DMD: variants seen among roughly 807,000 people sequenced by gnomAD.
DMD encodes the protein dystrophin.
DMD carries 63 observed loss-of-function variants against 330.1 expected under a neutral mutation model. The ratio of observed to expected loss-of-function variants is 0.19; its 90% CI spans 0.16 to 0.24. The LOEUF is 0.24. DMD is among the 10% of genes least tolerant of loss of function. The pLI is 1.00. For missense variants in DMD, 3,344 were observed against 2,684.1 expected, an observed-to-expected ratio of 1.25 and a Z score of -5.43; for synonymous variants, 1,223 against 959.8, an observed-to-expected ratio of 1.27 and a Z score of -5.07.
At chrX:31,444,738 G>T in intron 59 of DMD, 111 bp from the exon 60 acceptor site, 1 of 843,133 alleles carries the variant, frequency 1.2e-6, no homozygotes, top group Non-Finnish European at 1.7e-6. Context: ...TTTGCTCTAT[G>T]CTACGGTTTG....
chrX:31,814,370 C>A, intron 50 of DMD, among the ~76,000 whole-genome samples: 1 of 105,251 alleles, frequency 9.5e-6, no homozygotes, highest in Non-Finnish European at 1.9e-5. Flanking sequence ...GTAGTCCCAG[C>A]TACGGGGGAG....
At chrX:33,324,007 T>C (rs920058399) in intron 1 of DMD, among the ~76,000 whole-genome samples, 4 of 111,501 alleles carry the variant, frequency 3.6e-5, no homozygotes, top group African/African-American at 9.8e-5. Flanking sequence ...CCCAAACCAA[T>C]GCATATTTTG....
chrX:31,710,808 A>T (rs2084571309), intron 52 of DMD, among the ~76,000 whole-genome samples: 1 of 111,775 alleles, frequency 8.9e-6, no homozygotes, highest in Non-Finnish European at 1.9e-5. Flanking sequence ...AGGATTGGAC[A>T]TTAAATCTAC....
intron 47 of DMD, 21 bp from the exon 48 acceptor site, chrX:31,875,394 A>T: frequency 8.6e-7 from 1 of 1,158,235 alleles, no homozygotes; most frequent in Non-Finnish European, 1.2e-6. Flanking sequence ...AATACATTTT[A>T]AAAAGGTAAA....
intron 44 of DMD, among the ~76,000 whole-genome samples, chrX:32,199,972 T>A (rs1373135703): frequency 1.8e-5 from 2 of 110,996 alleles, no homozygotes; most frequent in Non-Finnish European, 3.8e-5. Context: ...CTATAGTTTC[T>A]ACCTCAAAAA....
At chrX:31,818,282 C>A (rs769100284) in intron 50 of DMD, among the ~76,000 whole-genome samples, 1 of 112,025 alleles carries the variant, frequency 8.9e-6, no homozygotes, top group East Asian at 2.8e-4. Flanking sequence ...GACTTTTATT[C>A]TATGCTGTAC....
chrX:31,787,885 A>C (rs1283257511), intron 50 of DMD, among the ~76,000 whole-genome samples: 1 of 112,168 alleles, frequency 8.9e-6, no homozygotes, highest in Non-Finnish European at 1.9e-5. Context: ...GATCAAAATC[A>C]AGGGGAGAAA....
At chrX:32,127,434 T>C (rs1299717119) in intron 44 of DMD, among the ~76,000 whole-genome samples, 1 of 111,395 alleles carries the variant, frequency 9.0e-6, no homozygotes, top group Non-Finnish European at 1.9e-5. Context: ...GATAGAATCC[T>C]AACTTCAATA....
intron 7 of DMD, among the ~76,000 whole-genome samples, chrX:32,794,233 A>G (rs1311135188): frequency 2.7e-5 from 3 of 112,192 alleles, no homozygotes; most frequent in Non-Finnish European, 3.8e-5. Context: ...AATAAAGACC[A>G]TATATGACAA....
At chrX:31,876,688 C>CAAAAAA (rs1165746413) in intron 47 of DMD, among the ~76,000 whole-genome samples, 1 of 83,100 alleles carries the variant, frequency 1.2e-5, no homozygotes, top group Non-Finnish European at 2.4e-5. Context: ...CCCATCTCTA[C>CAAAAAA]AAAAAAAAAA....
intron 44 of DMD, among the ~76,000 whole-genome samples, chrX:32,114,610 T>G (rs1033503905): frequency 8.9e-5 from 10 of 111,983 alleles, no homozygotes; most frequent in South Asian, 3.8e-4. Context: ...GCCTCCCAGA[T>G]GAGCTAATCT....
intron 43 of DMD, among the ~76,000 whole-genome samples, chrX:32,281,550 A>G (rs780262505): frequency 3.8e-4 from 43 of 111,850 alleles, no homozygotes; most frequent in Middle Eastern, 4.6e-3. Context: ...AAGAAACAAA[A>G]CATTACCCAG....
intron 61 of DMD, chrX:31,348,311 T>C (rs1363143818): frequency 2.5e-6 from 1 of 403,407 alleles, no homozygotes; most frequent in African/African-American, 2.5e-5. Flanking sequence ...TGGTTAACAT[T>C]TGAGAATATA....
chrX:32,049,097 A>T (rs150230488), intron 44 of DMD, among the ~76,000 whole-genome samples: 1 of 111,671 alleles, frequency 9.0e-6, no homozygotes, highest in Non-Finnish European at 1.9e-5. Flanking sequence ...AAAATGTATT[A>T]TCTATATCTG....
intron 63 of DMD, among the ~76,000 whole-genome samples, chrX:31,257,900 T>A (rs1165329430): frequency 9.0e-6 from 1 of 111,517 alleles, no homozygotes; most frequent in Non-Finnish European, 1.9e-5. Context: ...TGAGCCAAGA[T>A]CGTGCCACTG....
intron 44 of DMD, among the ~76,000 whole-genome samples, chrX:32,011,624 A>G (rs936571425): frequency 9.0e-6 from 1 of 111,319 alleles, no homozygotes; most frequent in African/African-American, 3.3e-5. Context: ...TGCTTGACGC[A>G]TCCTCCTCCT....
intron 42 of DMD, among the ~76,000 whole-genome samples, chrX:32,297,701 A>G (rs780268851): frequency 2.3e-4 from 26 of 112,109 alleles, no homozygotes; most frequent in African/African-American, 7.8e-4. Context: ...CTATATACTC[A>G]GTTAGATAGT....
At chrX:31,568,833 T>G (rs1441186264) in intron 55 of DMD, among the ~76,000 whole-genome samples, 3 of 111,621 alleles carry the variant, frequency 2.7e-5, no homozygotes, top group Non-Finnish European at 5.7e-5. Flanking sequence ...CTCATTCTTC[T>G]CTTTCTTTTT....
chrX:33,055,293 A>G (rs1010336843), intron 1 of DMD, among the ~76,000 whole-genome samples: 1 of 111,645 alleles, frequency 9.0e-6, no homozygotes, highest in Non-Finnish European at 1.9e-5. Context: ...GACAAAATCA[A>G]TTTCAGTTGA....
Sources: allele counts gnomAD v4.1 joint callset (sites outside exome capture counted in the v4.1 genomes callset), GRCh38; gene constraint gnomAD v4.1.1; transcripts MANE v1.5; gene names NCBI Gene and HGNC (gene_info 2026-07-23, HGNC 2026-07-21).